PPFIA4: variants seen among roughly 807,000 people sequenced by gnomAD.
The protein encoded by PPFIA4 is liprin-alpha-4.
In PPFIA4, 98 loss-of-function variants were observed where a neutral mutation model predicts 145.7. The ratio of observed to expected loss-of-function variants is 0.67; its 90% CI spans 0.57 to 0.80. PPFIA4 has a LOEUF of 0.80. Ranked by LOEUF, PPFIA4 falls within the 30% of genes least tolerant of loss-of-function variation. PPFIA4 has a pLI of 0.00. For synonymous variants in PPFIA4, 628 were observed against 649.6 expected (o/e 0.97, Z 0.51); for missense variants, 1,457 against 1,632.7 (o/e 0.89, Z 1.85).
chr1:203,070,272 A>G (rs1662055765), intron 27 of PPFIA4, among the ~76,000 whole-genome samples: 1 of 152,004 alleles, frequency 6.6e-6, no homozygotes, highest in Non-Finnish European at 1.5e-5. Context: ...CCCAATACGG[A>G]ATCCCTCATT....
intron 28 of PPFIA4, among the ~76,000 whole-genome samples, chr1:203,072,542 C>T (rs996749643): frequency 7.2e-5 from 11 of 152,210 alleles, no homozygotes; most frequent in African/African-American, 2.4e-4. Flanking sequence ...CCTTGGCCCC[C>T]GCCTCCTCTT....
chr1:203,060,070 G>A lies in PPFIA4; in HGVS notation c.2584-147G>A. On this transcript the variant is annotated intron_variant, in intron 21 of 29. Transcript: ENST00000295706. This position sits in a 1 kb window ranked among gnomAD's most constrained non-coding sequence, Gnocchi z 4.8. ...CTTTTAATCTGTAAAATGGGAGAGT[G>A]AGGGGTTTGATGACCGCCACATTCC... 1.3e-6 allele frequency: 1 copy of A among 797,018 alleles called. No homozygotes were observed. The highest frequency in any genetic ancestry group is 1.7e-5 in the South Asian group (1 of 58,926). 49.4% of individuals were successfully genotyped at this position (797,018 alleles called of 1,614,324 possible). A position where few individuals can be genotyped will look rare whatever the true frequency, so the allele number is the denominator to read the frequency against.
At chr1:203,054,697 CACACAT>C (rs1447889202) in intron 15 of PPFIA4, among the ~76,000 whole-genome samples, 7 of 151,860 alleles carry the variant, frequency 4.6e-5, no homozygotes, top group South Asian at 2.1e-4. Context: ...CACACACACA[CACACAT>C]ACACACACAG....
rs1210566449 is a variant in PPFIA4, at chr1:203,059,863, CA to C, written c.2583+15del. On this transcript the variant is annotated intron_variant, in intron 21 of 29. Transcript: ENST00000295706. ...TCTCCTGGTTGGAGGTAAGCCTGAG[CA>C]AAGGGAGTCCACTCAGGGGTCTGGA... The C allele has an allele frequency of 6.2e-7, 1 of 1,600,820 alleles. No individual in the cohort carries two copies. The highest frequency in any genetic ancestry group is 1.3e-5 in the African/African-American group (1 of 74,660).
chr1:203,044,261 T>G, intron 4 of PPFIA4, 118 bp from the exon 5 acceptor site: 1 of 1,170,200 alleles, frequency 8.5e-7, no homozygotes, highest in Non-Finnish European at 1.2e-6. Flanking sequence ...GCAAATGTGC[T>G]GCTTAGTAGG....
In PPFIA4 at chr1:203,059,364, C is replaced by A. The variant is rs554055459; in HGVS notation, c.2501+93C>A. ...CTGCTGTGAAACTGAGCTCAGAGAC[C>A]CAGACCCCAGCAAGGCCCTTCCTGA... is the stretch of plus-strand genomic sequence containing the variant. On this transcript the variant is annotated intron_variant, in intron 20 of 29. Transcript: ENST00000295706. 2.9e-5 allele frequency: 32 copies of A among 1,105,502 alleles called. No homozygotes were observed. In the African/African-American group the frequency reaches 4.1e-4, roughly 14 times the overall value. The allele number at this position is 1,105,502 out of a possible 1,614,324, so 68.5% of individuals were successfully genotyped here. A position where few individuals can be genotyped will look rare whatever the true frequency, so the allele number is the denominator to read the frequency against.
At position 203,044,508 on chromosome 1, in the gene PPFIA4, C is replaced by G. The variant is rs151008643; in HGVS notation, c.576+55C>G. 13 of 1,506,978 alleles carry G rather than the reference C, an allele frequency of 8.6e-6. No homozygotes were observed. The African/African-American group carries it at 9.7e-5, about 11-fold the overall frequency. 93.4% of individuals were successfully genotyped at this position (1,506,978 alleles called of 1,614,324 possible). A position where few individuals can be genotyped will look rare whatever the true frequency, so the allele number is the denominator to read the frequency against. On this transcript the variant is annotated intron_variant, in intron 5 of 29. Coordinates refer to ENST00000295706, the MANE Select transcript of PPFIA4 (RefSeq NM_001304331.2). ...GCTCCTGGAAGTCCAGGCTGGTTCA[C>G]CCCTGTGCCCTACTCTGTTTCTTGT...
intron 14 of PPFIA4, among the ~76,000 whole-genome samples, chr1:203,052,494 T>C (rs1180137511): frequency 6.6e-6 from 1 of 152,064 alleles, no homozygotes; most frequent in African/African-American, 2.4e-5. Context: ...TTAGAAGATA[T>C]AGATGGAGAA....
At chr1:203,051,680 A>G in intron 13 of PPFIA4, 89 bp from the exon 14 acceptor site, 4 of 1,516,652 alleles carry the variant, frequency 2.6e-6, no homozygotes, top group Non-Finnish European at 3.5e-6. Flanking sequence ...TCTGAGCTGA[A>G]GATCCCTTGA....
In PPFIA4 at chr1:203,045,874, A is replaced by C. The variant is rs541924528; in HGVS notation, c.892A>C (p.Ile298Leu). 6.2e-7 allele frequency: 1 copy of C among 1,612,728 alleles called. No homozygotes were observed. Among genetic ancestry groups the C allele is most frequent in the South Asian group, 1.1e-5 (1 of 91,084 alleles). Reference protein sequence around the residue: ...LAQKEDMEERITTLEKRYLAA... With the variant: ...LAQKEDMEERLTTLEKRYLAA... ...CCAGAAGGAGGACATGGAAGAGCGG[A>C]TTACTACACTGGAGAAGCGCTACCT... The change falls in exon 8 of 30, where the codon ATT becomes CTT. Residue 298 changes from isoleucine to leucine, a missense_variant. Transcript: ENST00000295706.
chr1:203,037,841 G>C (rs924536831), intron 1 of PPFIA4, among the ~76,000 whole-genome samples: 2 of 152,124 alleles, frequency 1.3e-5, no homozygotes, highest in Non-Finnish European at 1.5e-5. Flanking sequence ...ATCACCCCTG[G>C]GTTCCTTTCC....
chr1:203,070,742 C>T (rs1447942450), intron 27 of PPFIA4, among the ~76,000 whole-genome samples: 1 of 143,786 alleles, frequency 7.0e-6, no homozygotes, highest in African/African-American at 2.7e-5. Context: ...GTATCCACAG[C>T]TGAGCAGGCT....
At chr1:203,059,658 G>T (rs917670151) in intron 20 of PPFIA4, 112 bp from the exon 21 acceptor site, 195 of 826,570 alleles carry the variant, frequency 2.4e-4, no homozygotes, top group Middle Eastern at 2.2e-4. Context: ...AGTCCAGGGT[G>T]GGGAGCAAGG....
chr1:203,067,461 C>T, intron 25 of PPFIA4: 2 of 479,334 alleles, frequency 4.2e-6, no homozygotes. Context: ...ATCAATCCAT[C>T]CCCAGGCCCG....
chr1:203,035,741 G>A, intron 1 of PPFIA4: 1 of 442,902 alleles, frequency 2.3e-6, no homozygotes, highest in South Asian at 1.6e-5. Flanking sequence ...AGAAGGAGCT[G>A]GAAGGAGCCA....
chr1:203,060,476 G>A lies in PPFIA4; in HGVS notation c.2784+59G>A. ...AGAGGTCCTGGAACATAGTTTGCAA[G>A]GTCTCCTGTTGGGCTTTGGGAAGAT... On this transcript the variant is annotated intron_variant, in intron 22 of 29. Coordinates refer to ENST00000295706, the MANE Select transcript of PPFIA4 (RefSeq NM_001304331.2). The surrounding 1 kb of genome is among the most constrained non-coding windows in gnomAD (Gnocchi z 4.8). The A allele has an allele frequency of 6.4e-7, 1 of 1,570,612 alleles. No individual in the cohort carries two copies. Among genetic ancestry groups the A allele is most frequent in the Admixed American group, 1.7e-5 (1 of 59,746 alleles).
In PPFIA4 at chr1:203,045,913, G is replaced by A. The variant is rs766501179; in HGVS notation, c.931G>A (p.Glu311Lys). 1.2e-6 allele frequency: 2 copies of A among 1,612,866 alleles called. No homozygotes were observed. Among genetic ancestry groups the A allele is most frequent in the Non-Finnish European group, 1.7e-6 (2 of 1,179,874 alleles). Reference sequence around the variant, plus strand: ...GAAGCGCTACCTGGCTGCTCAGCGTGAGGCAACATCCATCCATGACCTCAA... The same window carrying A: ...GAAGCGCTACCTGGCTGCTCAGCGTAAGGCAACATCCATCCATGACCTCAA... ...LEKRYLAAQR[E>K]ATSIHDLNDK... The change falls in exon 8 of 30, where the codon GAG (glutamate) becomes AAG (lysine). Residue 311 changes from glutamate to lysine, a missense_variant. Coordinates refer to ENST00000295706, the MANE Select transcript of PPFIA4 (RefSeq NM_001304331.2).
At position 203,048,452 on chromosome 1, in the gene PPFIA4, G is replaced by A. The variant is rs917881964; in HGVS notation, c.1225-131G>A. On this transcript the variant is annotated intron_variant, in intron 10 of 29. Coordinates refer to ENST00000295706, the MANE Select transcript of PPFIA4 (RefSeq NM_001304331.2). This position sits in a 1 kb window ranked among gnomAD's most constrained non-coding sequence, Gnocchi z 5.8. ...GGGAGGAGGCTGGCAGGTGAAGGGG[G>A]AGGTGGTCAGGAGACTGGAGAGAGT... The A allele has an allele frequency of 1.1e-5, 16 of 1,466,446 alleles. No homozygotes were observed. The highest frequency in any genetic ancestry group is 1.5e-5 in the Non-Finnish European group (16 of 1,076,044). 90.8% of individuals were successfully genotyped at this position (1,466,446 alleles called of 1,614,324 possible). A position where few individuals can be genotyped will look rare whatever the true frequency, so the allele number is the denominator to read the frequency against.
In PPFIA4 at chr1:203,059,231, C is replaced by G. The variant is rs1357301857; in HGVS notation, c.2461C>G (p.Leu821Val). ...GCAGGAGCCTATGGTGCCTGCCAAG[C>G]TGGGGACCCAGGCAGAGAAGGACCG... ...SMQEPMVPAK[L>V]GTQAEKDRRL... The change falls in exon 20 of 30, where the codon CTG (leucine) becomes GTG (valine). Residue 821 changes from leucine (L) to valine (V), a missense_variant. By Grantham distance (32) the Leu-to-Val change is conservative. Around this residue, in one of 3 missense-constraint regions of PPFIA4, gnomAD observed 848 missense variants for 1,046.7 expected, o/e 0.81. Transcript: ENST00000295706. 4.5e-6 allele frequency: 7 copies of G among 1,557,768 alleles called. No individual in the cohort carries two copies. The South Asian group carries it at 7.0e-5, about 16-fold the overall frequency.
Sources: allele counts gnomAD v4.1 joint callset (sites outside exome capture counted in the v4.1 genomes callset), GRCh38; gene constraint gnomAD v4.1.1; regional missense constraint gnomAD v4.1.1; non-coding constraint Gnocchi (gnomAD v3.1); transcripts MANE v1.5; gene names NCBI Gene and HGNC (gene_info 2026-07-23, HGNC 2026-07-21).